Variants in TNS3 observed in about 807,000 individuals in gnomAD.
TNS3 encodes tensin-3.
TNS3 carries 45 observed loss-of-function variants against 140.9 expected under a neutral mutation model. That is an observed-to-expected ratio of 0.32 (90% confidence interval 0.25 to 0.41). The LOEUF is 0.41. TNS3 is among the 10% of genes least tolerant of loss of function. The pLI, the probability that TNS3 is intolerant of heterozygous loss-of-function variation, is 1.00. For missense variants in TNS3, 1,716 were observed against 1,906.7 expected, an observed-to-expected ratio of 0.90 and a Z score of 1.86; for synonymous variants, 815 against 788.4, an observed-to-expected ratio of 1.03 and a Z score of -0.56.
At chr7:47,437,877 G>C (rs763620618) in intron 6 of TNS3, among the ~76,000 whole-genome samples, 41 of 150,706 alleles carry the variant, frequency 2.7e-4, no homozygotes, top group Non-Finnish European at 5.3e-4. Flanking sequence ...ACCCGATAGA[G>C]AGGTGGTACA....
intron 17 of TNS3, among the ~76,000 whole-genome samples, chr7:47,361,164 A>G (rs1326903970): frequency 1.5e-5 from 2 of 131,004 alleles, no homozygotes; most frequent in Non-Finnish European, 3.1e-5. Context: ...GGCTCAGTGC[A>G]CCTTCTCAGT....
intron 9 of TNS3, 137 bp from the exon 10 acceptor site, chr7:47,424,321 A>G: frequency 1.4e-6 from 1 of 703,202 alleles, no homozygotes; most frequent in Non-Finnish European, 2.4e-6. Context: ...GCACCTGTGC[A>G]CACCCAATCC....
chr7:47,570,022 C>T (rs1258581447), intron 1 of TNS3, among the ~76,000 whole-genome samples: 2 of 152,044 alleles, frequency 1.3e-5, no homozygotes, highest in African/African-American at 2.4e-5. Context: ...TGGTGGCAGG[C>T]GCCTATAATC....
chr7:47,400,826 C>G lies in TNS3; in HGVS notation c.812G>C (p.Gly271Ala). ...CAGATCCTCCTTCCCAAACACCAGC[C>G]CGTAGCCCTGCACAGCCCCAGTGTG... ...QFHTGAVQGY[G>A]LVFGKEDLDN... Residue 271 changes from glycine (G) to alanine (A), a missense_variant, in exon 14 of 31, where the codon GGG (glycine) becomes GCG (alanine). Transcript: ENST00000311160. The G allele has an allele frequency of 6.2e-7, 1 of 1,614,220 alleles. No homozygotes were observed. Among genetic ancestry groups the G allele is most frequent in the Non-Finnish European group, 8.5e-7 (1 of 1,180,034 alleles).
intron 4 of TNS3, among the ~76,000 whole-genome samples, chr7:47,453,561 T>C (rs1052041954): frequency 3.9e-5 from 6 of 152,228 alleles, no homozygotes; most frequent in African/African-American, 1.4e-4. Flanking sequence ...AAATAGAATT[T>C]GAGATGACTC....
intron 3 of TNS3, among the ~76,000 whole-genome samples, chr7:47,493,238 T>TG (rs532352447): frequency 7.9e-5 from 12 of 152,334 alleles, no homozygotes; most frequent in Middle Eastern, 3.4e-3. Flanking sequence ...CGCCAGACTT[T>TG]GGGTCAGTTG....
At chr7:47,382,102 CAA>C (rs1562664493) in intron 16 of TNS3, among the ~76,000 whole-genome samples, 1 of 152,150 alleles carries the variant, frequency 6.6e-6, no homozygotes, top group African/African-American at 2.4e-5. Flanking sequence ...CACTGCATCA[CAA>C]AACTGTGCAA....
At chr7:47,541,485 A>G (rs908616368) in intron 1 of TNS3, among the ~76,000 whole-genome samples, 4 of 152,136 alleles carry the variant, frequency 2.6e-5, no homozygotes, top group Non-Finnish European at 4.4e-5. Flanking sequence ...AAAGTAAGAC[A>G]GTGCTCACAG....
chr7:47,320,575 C>T (rs888342578), intron 20 of TNS3, among the ~76,000 whole-genome samples: 2 of 152,232 alleles, frequency 1.3e-5, no homozygotes. Context: ...AGATGGCCAT[C>T]TTCTCCCTGT....
At position 47,303,260 on chromosome 7, in the gene TNS3, C is replaced by T. The variant is rs373883298; in HGVS notation, c.3147G>A (p.Pro1049=). Residue 1049 remains proline, a synonymous_variant, in exon 22 of 31, where the codon CCG becomes CCA. Coordinates refer to ENST00000311160, the MANE Select transcript of TNS3 (RefSeq NM_022748.12). The stretch of plus-strand genomic sequence containing the variant: ...TCGCTGTCAGCGGGATGCTGGGGGT[C>T]GGTGACGCTCCATGAGAATTGGCCA... The part of the protein sequence containing the change: ...ALLANSHGAS[P]TPSIPLTATG... The T allele has an allele frequency of 1.7e-5, 28 of 1,613,654 alleles. No individual in the cohort carries two copies. The African/African-American group carries it at 3.2e-4, about 18-fold the overall frequency.
At chr7:47,510,859 TTA>T (rs1798581663) in intron 2 of TNS3, among the ~76,000 whole-genome samples, 1 of 79,516 alleles carries the variant, frequency 1.3e-5, no homozygotes, top group African/African-American at 3.5e-5. Flanking sequence ...AAGACTGTCT[TTA>T]AAAAAAAAAA....
intron 4 of TNS3, among the ~76,000 whole-genome samples, chr7:47,474,351 AAC>A (rs1335303595): frequency 2.0e-5 from 3 of 150,874 alleles, no homozygotes; most frequent in African/African-American, 4.9e-5. Context: ...AACACCTCAC[AAC>A]ACACACAAAA....
intron 20 of TNS3, among the ~76,000 whole-genome samples, chr7:47,318,041 A>G (rs908319291): frequency 6.6e-6 from 1 of 152,242 alleles, no homozygotes; most frequent in African/African-American, 2.4e-5. Flanking sequence ...AACTATCTCC[A>G]GAACTTTATA....
At chr7:47,515,470 T>C (rs533597950) in intron 2 of TNS3, among the ~76,000 whole-genome samples, 49 of 152,160 alleles carry the variant, frequency 3.2e-4, no homozygotes, top group African/African-American at 1.2e-3. Context: ...ATCACCATCA[T>C]TGTCACCATT....
intron 13 of TNS3, among the ~76,000 whole-genome samples, chr7:47,410,533 G>A (rs533798143): frequency 1.3e-5 from 2 of 152,282 alleles, no homozygotes; most frequent in East Asian, 1.9e-4. Flanking sequence ...GGCGTGGATG[G>A]GTTTAGACTG....
chr7:47,354,017 A>T (rs1789837690), intron 17 of TNS3, among the ~76,000 whole-genome samples: 1 of 151,814 alleles, frequency 6.6e-6, no homozygotes, highest in Admixed American at 6.6e-5. Flanking sequence ...ACACACACAC[A>T]CACACACACA....
chr7:47,537,483 G>T (rs936403554), intron 1 of TNS3, among the ~76,000 whole-genome samples: 5 of 152,086 alleles, frequency 3.3e-5, no homozygotes, highest in African/African-American at 1.2e-4. Flanking sequence ...GGGAAAGTGG[G>T]TGAGGAAACG....
In TNS3 at chr7:47,276,151, C is replaced by T. The variant is rs534891724; in HGVS notation, c.*1925G>A. 5.8e-6 allele frequency: 1 copy of T among 172,854 alleles called. No homozygotes were observed. The highest frequency in any genetic ancestry group is 6.2e-5 in the Admixed American group (1 of 16,248). The allele number at this position is 172,854 out of a possible 1,614,324, so 10.7% of individuals were successfully genotyped here. The stretch of plus-strand genomic sequence containing the variant: ...ATCAGGGTCAACACATGAGGATCTG[C>T]TGAAAATGCCAGCACCTCCTGACAG... On this transcript the variant is annotated 3_prime_UTR_variant, in exon 31 of 31. Coordinates refer to ENST00000311160, the MANE Select transcript of TNS3 (RefSeq NM_022748.12).
In TNS3 at chr7:47,311,727, A is replaced by C. The variant is rs915093641; in HGVS notation, c.2651-6724T>G. Among the ~76,000 whole-genome samples the C allele has an allele frequency of 2.6e-5, 4 of 152,190 alleles. No individual in the cohort carries two copies. The East Asian group carries it at 7.7e-4, about 29-fold the overall frequency. ...ATTGGAGTCCAAGAAGTTGTGGAGA[A>C]ATTGAATGAGGCAGAGGCAATATTG... On this transcript the variant is annotated intron_variant, in intron 20 of 30. Coordinates refer to ENST00000311160, the MANE Select transcript of TNS3 (RefSeq NM_022748.12).
Sources: gnomAD v4.1 joint callset for allele counts (sites outside exome capture counted in the v4.1 genomes callset) on GRCh38, gnomAD v4.1.1 for gene constraint, MANE v1.5 for transcripts, NCBI Gene and HGNC (gene_info 2026-07-23, HGNC 2026-07-21) for gene names.